Variants in CEP72 observed in about 807,000 individuals in gnomAD.
The protein encoded by CEP72 is centrosomal protein of 72 kDa.
CEP72 carries 78 observed loss-of-function variants against 65.7 expected under a neutral mutation model. That is an observed-to-expected ratio of 1.19 (90% CI 0.99 to 1.43). The LOEUF is 1.43. Among genes scored for constraint, CEP72 ranks in the 40% most tolerant of loss-of-function variants. The pLI is 0.00. For synonymous variants in CEP72, 358 were observed against 351.7 expected (o/e 1.02, Z -0.20); for missense variants, 914 against 832.9 (o/e 1.10, Z -1.20).
At position 635,416 on chromosome 5, in the gene CEP72, G is replaced by C. The variant is rs199657985; in HGVS notation, c.736G>C (p.Gly246Arg). 2.5e-5 allele frequency: 41 copies of C among 1,613,864 alleles called. No homozygotes were observed. In the African/African-American group the frequency reaches 5.3e-4, roughly 21 times the overall value. Residue 246 changes from glycine to arginine, a missense_variant, in exon 6 of 12, where the codon GGG becomes CGG. Coordinates refer to ENST00000264935, the MANE Select transcript of CEP72 (RefSeq NM_018140.4). ...CCCGCAGTTGGTACAGTACCAGTGT[G>C]GGGACTCTGGGAAGCAGGGCCGTGA... Reference protein sequence around the residue: ...LSPQLVQYQCGDSGKQGRETR... With the variant: ...LSPQLVQYQCRDSGKQGRETR...
In CEP72 at chr5:666,194, G is replaced by C. The variant is rs1032603820; in HGVS notation, n.592+95G>C. On this transcript the variant is annotated intron_variant and non_coding_transcript_variant, in intron 4 of 4. Coordinates refer to the CEP72 transcript ENST00000514507. ...GGCTGCCCTCCCCACGCGTGGGTCT[G>C]AGCAGAGCTGGACAGCCATGGCCCA... The C allele has an allele frequency of 3.0e-5, 46 of 1,551,850 alleles. 1 individual carries two copies. Among genetic ancestry groups the C allele is most frequent in the Admixed American group, 2.1e-4 (12 of 55,832 alleles).
At chr5:654,098 G>A (rs1739285775), downstream of CEP72, among the ~76,000 whole-genome samples, 1 of 146,700 alleles carries the variant, frequency 6.8e-6, no homozygotes, top group African/African-American at 2.6e-5. Flanking sequence ...TGTGCTAGCT[G>A]TGTGTGTGCT....
chr5:636,425 A>G (rs1737602606), intron 6 of CEP72, among the ~76,000 whole-genome samples: 1 of 152,256 alleles, frequency 6.6e-6, no homozygotes, highest in Non-Finnish European at 1.5e-5. Context: ...CAATAGCTAC[A>G]TTTTGAAAAT....
chr5:658,868 CTG>C (rs1336376061), downstream of CEP72, among the ~76,000 whole-genome samples: 1 of 151,998 alleles, frequency 6.6e-6, no homozygotes, highest in East Asian at 1.9e-4. Flanking sequence ...CAGGGTTTCA[CTG>C]TGTTAGCCAG....
intron 11 of CEP72, among the ~76,000 whole-genome samples, chr5:651,736 G>A (rs1404517285): frequency 6.6e-6 from 1 of 152,002 alleles, no homozygotes; most frequent in African/African-American, 2.4e-5. Flanking sequence ...GTCGCTCTGG[G>A]CAGTTTTGTG....
chr5:660,075 G>A (rs1164653706), downstream of CEP72: 3 of 152,256 alleles, frequency 2.0e-5, no homozygotes, highest in Admixed American at 6.5e-5. Flanking sequence ...CGGTGAGTGC[G>A]GTTTAGACAT....
chr5:615,496 T>TA (rs1735936079), intron 1 of CEP72, among the ~76,000 whole-genome samples: 1 of 152,212 alleles, frequency 6.6e-6, no homozygotes, highest in Non-Finnish European at 1.5e-5. Context: ...ATATTACTGT[T>TA]GTTACGGTAG....
chr5:619,889 CG>C (rs1462466020), intron 2 of CEP72, among the ~76,000 whole-genome samples, 179 bp from the exon 3 acceptor site: 3 of 152,142 alleles, frequency 2.0e-5, no homozygotes, highest in African/African-American at 7.2e-5. Flanking sequence ...CGTCTCACCG[CG>C]TGGGGCCCAG....
In CEP72 at chr5:648,688, CTGTGAGGCGTGAA is replaced by C. The variant is rs1421114438; in HGVS notation, c.1778+785_1778+797del. Among the ~76,000 whole-genome samples, 119 of 94,978 alleles carry C rather than the reference CTGTGAGGCGTGAA, an allele frequency of 1.3e-3. 3 individuals are homozygous for C. The highest frequency in any genetic ancestry group is 0.012 in the Admixed American group (95 of 7,998). 62.3% of individuals were successfully genotyped at this position (94,978 alleles called of 152,430 possible). A position where few individuals can be genotyped will look rare whatever the true frequency, so the allele number is the denominator to read the frequency against. On this transcript the variant is annotated intron_variant, in intron 11 of 11. Coordinates refer to ENST00000264935, the MANE Select transcript of CEP72 (RefSeq NM_018140.4). Reference sequence around the variant, plus strand: ...GTGAGGTGTGGACTGTGAGGCGTGACTGTGAGGCGTGAATGTGAGGCGTGACTGTGAGGCGTGA... The same window carrying C: ...GTGAGGTGTGGACTGTGAGGCGTGACTGTGAGGCGTGACTGTGAGGCGTGA...
chr5:633,000 G>C (rs1480543502), intron 4 of CEP72, among the ~76,000 whole-genome samples: 2 of 75,900 alleles, frequency 2.6e-5, no homozygotes, highest in African/African-American at 1.7e-4. Flanking sequence ...GTCCAGTGCC[G>C]GGATTTGGCC....
At chr5:634,576 T>C (rs1404707018) in intron 5 of CEP72, among the ~76,000 whole-genome samples, 1 of 152,208 alleles carries the variant, frequency 6.6e-6, no homozygotes, top group Admixed American at 6.5e-5. Flanking sequence ...GGGAGCTGAG[T>C]CCTTTAATCC....
At chr5:647,741 A>AT (rs1458160424) in intron 10 of CEP72, 64 bp from the exon 11 acceptor site, 14 of 1,095,696 alleles carry the variant, frequency 1.3e-5, no homozygotes, top group Non-Finnish European at 1.6e-5. Flanking sequence ...AATTGTTTTC[A>AT]TTTTCAAAAT....
At chr5:637,865 A>C (rs749785574) in intron 7 of CEP72, 47 bp downstream of exon 7, 6 of 1,455,550 alleles carry the variant, frequency 4.1e-6, no homozygotes, top group South Asian at 1.4e-5. Context: ...CTGCCTCCCT[A>C]ATGTGGGGCT....
chr5:658,645 ATTTTTTTTTTTTTTTTTTTTT>A (rs70955278), downstream of CEP72, among the ~76,000 whole-genome samples: 18 of 55,978 alleles, frequency 3.2e-4, no homozygotes, highest in East Asian at 1.8e-3. Context: ...AGCAAAGCTG[ATTTTTTTTTTTTTTTTTTTTT>A]TTTTTTTTTT....
chr5:637,562 T>C lies in CEP72; in HGVS notation c.950T>C (p.Leu317Ser). The C allele has an allele frequency of 1.2e-6, 2 of 1,614,064 alleles. No homozygotes were observed. Among genetic ancestry groups the C allele is most frequent in the Non-Finnish European group, 1.7e-6 (2 of 1,180,026 alleles). Residue 317 changes from leucine (L) to serine (S), a missense_variant, in exon 7 of 12, where the codon TTG becomes TCG. Leu to Ser is a moderately radical substitution (Grantham distance 145). Transcript: ENST00000264935. The part of the protein sequence containing the change: ...EDSASSQKLD[L>S]SGEMVPGPLP... ...TCGGCCTCTTCTCAGAAGTTGGATT[T>C]GTCAGGAGAAATGGTGCCTGGTCCC...
rs1216248789 is a variant in CEP72 at position 623,436 on chromosome 5, C to T, written c.404-1035C>T. Among the ~76,000 whole-genome samples the T allele has an allele frequency of 2.0e-5, 3 of 152,158 alleles. No homozygotes were observed. The highest frequency in any genetic ancestry group is 2.9e-5 in the Non-Finnish European group (2 of 68,032). ...CAAGGGCCTGCGTGTGGGATGGAGG[C>T]GGCGTCTGGAGAGACCTTGCCAGCA... On this transcript the variant is annotated intron_variant, in intron 3 of 11. Transcript: ENST00000264935. The surrounding 1 kb of genome is among the most constrained non-coding windows in gnomAD (Gnocchi z 5.3).
At chr5:675,549 CGGGGGTG>C in the CEP72 span, among the ~76,000 whole-genome samples, 1 of 38,996 alleles carries the variant, frequency 2.6e-5, no homozygotes, top group African/African-American at 9.2e-5. Flanking sequence ...GCCGTGTGGC[CGGGGGTG>C]CAGTGTGGCT....
chr5:637,969 A>G (rs138609289), intron 7 of CEP72, 151 bp downstream of exon 7: 20 of 765,392 alleles, frequency 2.6e-5, no homozygotes, highest in African/African-American at 2.5e-4. Context: ...GATTACGCCT[A>G]CGGCACTGAC....
exon 4 of CEP72, chr5:666,043 T>C: frequency 6.2e-7 from 1 of 1,611,388 alleles, no homozygotes; most frequent in Non-Finnish European, 8.5e-7. Flanking sequence ...CTCGCTGCTC[T>C]TGTCTTTGAA....
Sources: gnomAD v4.1 joint callset for allele counts (sites outside exome capture counted in the v4.1 genomes callset) on GRCh38, gnomAD v4.1.1 for gene constraint, Gnocchi (gnomAD v3.1) non-coding constraint, MANE v1.5 for transcripts, NCBI Gene and HGNC (gene_info 2026-07-23, HGNC 2026-07-21) for gene names.